NRXN3: variants seen among roughly 807,000 people sequenced by gnomAD.
NRXN3 encodes neurexin 3.
Under a neutral mutation model 137.6 loss-of-function variants are expected in NRXN3, and 32 were observed. The ratio of observed to expected loss-of-function variants is 0.23; its 90% confidence interval spans 0.18 to 0.31. NRXN3 has a LOEUF of 0.31. Among genes scored for constraint, NRXN3 ranks in the 10% least tolerant of loss-of-function variants. NRXN3 has a pLI of 1.00. For synonymous variants in NRXN3, 798 were observed against 784.5 expected (o/e 1.02, Z -0.29); for missense variants, 1,574 against 2,062.5 (o/e 0.76, Z 4.59).
intron 8 of NRXN3, among the ~76,000 whole-genome samples, chr14:78,716,937 G>A (rs1027756622): frequency 1.3e-5 from 2 of 152,190 alleles, no homozygotes; most frequent in African/African-American, 4.8e-5. Flanking sequence ...GCCACAAGGG[G>A]CTGGTCAGTC....
rs575829246 is a variant in NRXN3 at position 79,003,546 on chromosome 14, G to A, written c.3262+15405G>A. Among the ~76,000 whole-genome samples, 4 of 152,214 alleles carry A rather than the reference G, an allele frequency of 2.6e-5. No individual in the cohort carries two copies. The East Asian group carries it at 5.8e-4, about 22-fold the overall frequency. On this transcript the variant is annotated intron_variant, in intron 15 of 20. Coordinates refer to ENST00000335750, the MANE Select transcript of NRXN3 (RefSeq NM_001330195.2). ...ATACTGATGTGCTTTAACATGAAAC[G>A]TGAGACCAGGAAGTGGAAGACCCGT...
At chr14:78,435,334 G>A (rs1044086438) in intron 4 of NRXN3, among the ~76,000 whole-genome samples, 2 of 152,128 alleles carry the variant, frequency 1.3e-5, no homozygotes, top group African/African-American at 2.4e-5. Flanking sequence ...AAGGGTGCAT[G>A]TATATTAGTC....
At chr14:78,493,636 T>G (rs148021713) in intron 4 of NRXN3, among the ~76,000 whole-genome samples, 204 of 152,218 alleles carry the variant, frequency 1.3e-3, no homozygotes, top group African/African-American at 4.6e-3. Flanking sequence ...AAAGTTGTGG[T>G]TCTTCATCCT....
chr14:79,047,985 G>A (rs889346797), intron 15 of NRXN3, among the ~76,000 whole-genome samples: 7 of 152,080 alleles, frequency 4.6e-5, no homozygotes, highest in African/African-American at 1.7e-4. Context: ...GTTCACATTA[G>A]CTCTTTAATA....
chr14:79,175,222 C>T (rs989501806), intron 15 of NRXN3, among the ~76,000 whole-genome samples: 5 of 152,048 alleles, frequency 3.3e-5, no homozygotes, highest in Non-Finnish European at 7.4e-5. Context: ...CCTCGTGATC[C>T]GCCTGCCTCG....
chr14:78,413,867 T>C (rs1389911222), intron 4 of NRXN3, among the ~76,000 whole-genome samples: 1 of 152,184 alleles, frequency 6.6e-6, no homozygotes, highest in Non-Finnish European at 1.5e-5. Context: ...CACCTTGAAT[T>C]GTAATAATCC....
intron 10 of NRXN3, among the ~76,000 whole-genome samples, chr14:78,941,548 G>A (rs2152911889): frequency 6.6e-6 from 1 of 152,234 alleles, no homozygotes; most frequent in South Asian, 2.1e-4. Context: ...ATTGGTTATG[G>A]AGGTCTGATC....
At chr14:79,613,872 A>C (rs527954349) in intron 16 of NRXN3, among the ~76,000 whole-genome samples, 1 of 152,388 alleles carries the variant, frequency 6.6e-6, no homozygotes, top group Non-Finnish European at 1.5e-5. Flanking sequence ...GGAAGTTGGT[A>C]GCTGGTGATG....
At chr14:79,394,059 TATAAAAA>T (rs1485216003) in intron 15 of NRXN3, among the ~76,000 whole-genome samples, 5 of 152,188 alleles carry the variant, frequency 3.3e-5, no homozygotes, top group Admixed American at 3.3e-4. Context: ...AAGAATATTT[TATAAAAA>T]AACAAATCAT....
intron 19 of NRXN3, among the ~76,000 whole-genome samples, chr14:79,794,246 C>T (rs188777988): frequency 2.5e-4 from 38 of 152,218 alleles, no homozygotes; most frequent in African/African-American, 8.9e-4. Flanking sequence ...CACCTGTAAT[C>T]CCAGCTACTT....
At chr14:79,126,026 T>C (rs1455614731) in intron 15 of NRXN3, among the ~76,000 whole-genome samples, 2 of 152,100 alleles carry the variant, frequency 1.3e-5, no homozygotes, top group African/African-American at 4.8e-5. Flanking sequence ...ATCACAGCAT[T>C]CAAAATGTTC....
At chr14:78,415,338 T>C (rs1184815148) in intron 4 of NRXN3, among the ~76,000 whole-genome samples, 1 of 152,256 alleles carries the variant, frequency 6.6e-6, no homozygotes, top group African/African-American at 2.4e-5. Context: ...GAAAAGAGGC[T>C]GTGTCAGTTC....
chr14:78,594,301 G>T (rs2097141593), intron 4 of NRXN3, among the ~76,000 whole-genome samples: 1 of 152,182 alleles, frequency 6.6e-6, no homozygotes, highest in Non-Finnish European at 1.5e-5. Flanking sequence ...TCATGCAGGT[G>T]GCTGGCTCAC....
intron 17 of NRXN3, among the ~76,000 whole-genome samples, chr14:79,666,051 G>A (rs928913944): frequency 2.6e-5 from 4 of 152,048 alleles, no homozygotes; most frequent in Non-Finnish European, 5.9e-5. Context: ...AATGTCCTAA[G>A]CATTGAAATA....
rs117282123 is a variant in NRXN3 at position 78,223,731 on chromosome 14, T to G, written c.-703-18660T>G. 4.9e-3 allele frequency among the ~76,000 whole-genome samples: 741 copies of G among 152,308 alleles called. 2 individuals are homozygous for G. The highest frequency in any genetic ancestry group is 0.014 in the Middle Eastern group (4 of 294). On this transcript the variant is annotated intron_variant, in intron 1 of 20. Coordinates refer to ENST00000335750, the MANE Select transcript of NRXN3 (RefSeq NM_001330195.2). ...ATAGGGGGACAAAGGGACTGGCTTA[T>G]GTAGAGATGTGGCCAGAGGTTGGGA...
At chr14:78,574,429 G>T (rs1170875123) in intron 4 of NRXN3, among the ~76,000 whole-genome samples, 1 of 152,216 alleles carries the variant, frequency 6.6e-6, no homozygotes, top group Non-Finnish European at 1.5e-5. Flanking sequence ...CCGAAAGAGG[G>T]GCTGTATCCT....
chr14:79,531,313 T>C (rs2097167927), intron 16 of NRXN3, among the ~76,000 whole-genome samples: 1 of 152,234 alleles, frequency 6.6e-6, no homozygotes, highest in South Asian at 2.1e-4. Context: ...GACGTGGAGT[T>C]TGTTGCTTTG....
intron 15 of NRXN3, among the ~76,000 whole-genome samples, chr14:79,137,189 G>T (rs1233638678): frequency 6.6e-6 from 1 of 152,162 alleles, no homozygotes; most frequent in Non-Finnish European, 1.5e-5. Flanking sequence ...TGTCTCAATA[G>T]GTAGATCTTC....
intron 15 of NRXN3, among the ~76,000 whole-genome samples, chr14:79,207,814 C>T (rs904223809): frequency 1.3e-5 from 2 of 152,122 alleles, no homozygotes; most frequent in African/African-American, 4.8e-5. Context: ...GATGATAATT[C>T]AGTTGTGAAG....
Sources: gnomAD v4.1 joint callset for allele counts (sites outside exome capture counted in the v4.1 genomes callset) on GRCh38, gnomAD v4.1.1 for gene constraint, MANE v1.5 for transcripts, NCBI Gene and HGNC (gene_info 2026-07-23, HGNC 2026-07-21) for gene names.